The following LRBA variants were observed in gnomAD, a reference collection of about 807,000 sequenced individuals.
LRBA encodes lipopolysaccharide-responsive and beige-like anchor protein.
Under a neutral mutation model 330.0 loss-of-function variants are expected in LRBA, and 176 were observed. The observed-to-expected ratio is 0.53, with a 90% CI of 0.47 to 0.60. LRBA has a LOEUF of 0.60. Among genes scored for constraint, LRBA ranks in the 20% least tolerant of loss-of-function variants. LRBA has a pLI of 0.00. For synonymous variants in LRBA, 1,230 were observed against 1,193.0 expected, an observed-to-expected ratio of 1.03 and a Z score of -0.64; for missense variants, 3,259 against 3,444.8, an observed-to-expected ratio of 0.95 and a Z score of 1.35.
At chr4:150,749,524 G>C (rs1451021277) in intron 35 of LRBA, among the ~76,000 whole-genome samples, 1 of 152,146 alleles carries the variant, frequency 6.6e-6, no homozygotes, top group Non-Finnish European at 1.5e-5. Flanking sequence ...GGGAGGCCAA[G>C]GCAGAAGGGC....
Position 150,486,358 on chromosome 4 carries a change from T to C in LRBA, c.6551+1374A>G, listed in dbSNP as rs563701005. Among the ~76,000 whole-genome samples, 3 of 151,952 alleles carry C rather than the reference T, an allele frequency of 2.0e-5. No individual in the cohort carries two copies. In the East Asian group the frequency reaches 5.8e-4, roughly 29 times the overall value. On this transcript the variant is annotated intron_variant, in intron 42 of 56. Coordinates refer to ENST00000651943, the MANE Select transcript of LRBA (RefSeq NM_001364905.1). ...TTTTCTTCCTTTAAATTATATAGTTTAGGCAAATAGTACTTCAAGGTAGCA... is the reference window on the plus strand; with the variant it reads ...TTTTCTTCCTTTAAATTATATAGTTCAGGCAAATAGTACTTCAAGGTAGCA...
chr4:150,442,287 G>C (rs1233713579), intron 44 of LRBA, among the ~76,000 whole-genome samples: 4 of 151,954 alleles, frequency 2.6e-5, no homozygotes, highest in African/African-American at 9.7e-5. Context: ...TGGGGTTAAA[G>C]AAAAGGAAAA....
chr4:150,512,102 G>A (rs555816083), intron 40 of LRBA, among the ~76,000 whole-genome samples: 2 of 152,202 alleles, frequency 1.3e-5, no homozygotes, highest in Non-Finnish European at 2.9e-5. Context: ...AACAATTTCA[G>A]TTGAAACAGA....
chr4:150,467,929 C>A (rs1335792275), intron 43 of LRBA, 144 bp from the exon 44 acceptor site: 1 of 482,482 alleles, frequency 2.1e-6, no homozygotes, highest in Non-Finnish European at 3.7e-6. Flanking sequence ...CTCATTTAAT[C>A]CTCACAACAA....
chr4:150,495,472 A>G (rs2152110911), intron 40 of LRBA, among the ~76,000 whole-genome samples: 1 of 152,328 alleles, frequency 6.6e-6, no homozygotes, highest in African/African-American at 2.4e-5. Context: ...ATCTTTTAAA[A>G]AATTAAATAA....
chr4:150,422,810 GC>G lies in LRBA; in HGVS notation c.7042-7221del. ...GGTAGACCTGCATGTGCTGCGGTTT[GC>G]CCTGGAACTTGCCCTGCAGCCAGGC... On this transcript the variant is annotated intron_variant, in intron 46 of 56. Coordinates refer to ENST00000651943, the MANE Select transcript of LRBA (RefSeq NM_001364905.1). 7.5e-6 allele frequency: 11 copies of G among 1,475,944 alleles called. 1 individual carries two copies. The South Asian group carries it at 1.0e-4, about 14-fold the overall frequency. 91.4% of individuals were successfully genotyped at this position (1,475,944 alleles called of 1,614,324 possible). A position where few individuals can be genotyped will look rare whatever the true frequency, so the allele number is the denominator to read the frequency against.
chr4:150,695,810 CT>C (rs946091550), intron 36 of LRBA, among the ~76,000 whole-genome samples: 2 of 152,210 alleles, frequency 1.3e-5, no homozygotes, highest in African/African-American at 4.8e-5. Context: ...ATCCTATCAT[CT>C]TTTAACTCTA....
At chr4:150,666,775 T>C (rs983901465) in intron 37 of LRBA, among the ~76,000 whole-genome samples, 3 of 152,220 alleles carry the variant, frequency 2.0e-5, no homozygotes, top group African/African-American at 7.2e-5. Flanking sequence ...GTACAGTTTA[T>C]TGTATGTCAA....
chr4:150,847,299 CAATTAG>C (rs747814685), intron 26 of LRBA, among the ~76,000 whole-genome samples: 36 of 152,154 alleles, frequency 2.4e-4, no homozygotes, highest in South Asian at 1.0e-3. Context: ...GTTATGCTTA[CAATTAG>C]AATGTCTCTT....
intron 40 of LRBA, among the ~76,000 whole-genome samples, chr4:150,537,400 C>T (rs1384964809): frequency 6.6e-6 from 1 of 152,190 alleles, no homozygotes; most frequent in African/African-American, 2.4e-5. Flanking sequence ...AAGTACCATT[C>T]TGGACATTGG....
intron 40 of LRBA, among the ~76,000 whole-genome samples, chr4:150,528,500 CA>C (rs5862924): frequency 0.64 from 87,249 of 135,874 alleles, 29,798 homozygotes; most frequent in Non-Finnish European, 0.78. Context: ...GACTTCATCT[CA>C]AAAAAAAAAA....
chr4:150,381,101 C>G (rs942995460), intron 47 of LRBA, among the ~76,000 whole-genome samples: 1 of 151,576 alleles, frequency 6.6e-6, no homozygotes, highest in East Asian at 1.9e-4. Context: ...AAGGCACTTA[C>G]ATGATTTACA....
chr4:151,014,676 C>A lies in LRBA; in HGVS notation c.-34G>T. ...CACGATAAAGGACAACTCAGAGTCACCCTGGGACGGCAGTCGCTGCACTGG... is the reference window on the plus strand; with the variant it reads ...CACGATAAAGGACAACTCAGAGTCAACCTGGGACGGCAGTCGCTGCACTGG... On this transcript the variant is annotated 5_prime_UTR_variant, in exon 2 of 57. Transcript: ENST00000651943. 6.8e-7 allele frequency: 1 copy of A among 1,476,676 alleles called. No individual in the cohort carries two copies. The highest frequency in any genetic ancestry group is 9.3e-7 in the Non-Finnish European group (1 of 1,079,674). 91.5% of individuals were successfully genotyped at this position (1,476,676 alleles called of 1,614,324 possible).
Position 150,371,182 on chromosome 4 carries a change from A to ATTTTTTT in LRBA, c.7195-21030_7195-21024dup, listed in dbSNP as rs70937395. On this transcript the variant is annotated intron_variant, in intron 47 of 56. Transcript: ENST00000651943. ...AAAAGCATGAGCTGCAAGCTACTAA[A>ATTTTTTT]TTTTTTTTTTTTTTTTTTTTTTTTT... is the stretch of plus-strand genomic sequence containing the variant. 2.1e-3 allele frequency among the ~76,000 whole-genome samples: 189 copies of ATTTTTTT among 91,910 alleles called. 8 individuals carry two copies. Among genetic ancestry groups the ATTTTTTT allele is most frequent in the African/African-American group, 4.5e-3 (93 of 20,814 alleles). 60.3% of individuals were successfully genotyped at this position (91,910 alleles called of 152,430 possible).
At chr4:150,968,065 C>T (rs1222806280) in intron 2 of LRBA, among the ~76,000 whole-genome samples, 2 of 142,956 alleles carry the variant, frequency 1.4e-5, no homozygotes, top group African/African-American at 5.3e-5. Context: ...AGAGCAGTGG[C>T]GCGATTTCGG....
At chr4:150,783,996 C>T (rs1380348667) in intron 34 of LRBA, among the ~76,000 whole-genome samples, 2 of 152,052 alleles carry the variant, frequency 1.3e-5, no homozygotes, top group African/African-American at 4.8e-5. Context: ...GAGATAAAAT[C>T]AGGAGAAAGG....
At chr4:150,277,802 C>A (rs762348469) in intron 56 of LRBA, 51 bp downstream of exon 56, 2 of 1,571,510 alleles carry the variant, frequency 1.3e-6, no homozygotes, top group Non-Finnish European at 1.7e-6. Context: ...ACGACCAGTC[C>A]CCTCTGCAGT....
At chr4:150,507,474 A>C (rs1318389599) in intron 40 of LRBA, among the ~76,000 whole-genome samples, 1 of 148,936 alleles carries the variant, frequency 6.7e-6, no homozygotes, top group African/African-American at 2.4e-5. Context: ...ACAAGAAATG[A>C]GGAAAGGATT....
intron 40 of LRBA, among the ~76,000 whole-genome samples, chr4:150,497,276 A>G (rs1021374789): frequency 3.3e-5 from 5 of 152,176 alleles, no homozygotes; most frequent in African/African-American, 1.2e-4. Flanking sequence ...GATTTACTTC[A>G]TCACCAACCA....
Sources: gnomAD v4.1 joint callset for allele counts (sites outside exome capture counted in the v4.1 genomes callset) on GRCh38, gnomAD v4.1.1 for gene constraint, MANE v1.5 for transcripts, NCBI Gene and HGNC (gene_info 2026-07-23, HGNC 2026-07-21) for gene names.